MEI4: variants seen among roughly 807,000 people sequenced by gnomAD.
The protein encoded by MEI4 is meiotic double-stranded break formation protein 4.
MEI4 carries 27 observed loss-of-function variants against 31.4 expected under a neutral mutation model. That is an observed-to-expected ratio of 0.86 (90% CI 0.63 to 1.19). The LOEUF is 1.19. Among genes scored for constraint, MEI4 ranks in the 50% most tolerant of loss-of-function variants. The pLI is 0.00. For synonymous variants in MEI4, 122 were observed against 145.4 expected (o/e 0.84, Z 1.16); for missense variants, 329 against 398.9 (o/e 0.82, Z 1.49).
chr6:77,734,992 G>A (rs1767142049), intron 2 of MEI4, among the ~76,000 whole-genome samples: 1 of 151,994 alleles, frequency 6.6e-6, no homozygotes, highest in Non-Finnish European at 1.5e-5. Flanking sequence ...TAGGGTTTCT[G>A]CCGAGAGATC....
chr6:77,840,119 C>T (rs974234169), intron 4 of MEI4, among the ~76,000 whole-genome samples: 1 of 152,066 alleles, frequency 6.6e-6, no homozygotes, highest in East Asian at 1.9e-4. Flanking sequence ...TGTGTTTGTA[C>T]CTGTGTACAT....
chr6:77,746,423 C>A (rs2127675474), intron 2 of MEI4, among the ~76,000 whole-genome samples: 1 of 152,186 alleles, frequency 6.6e-6, no homozygotes, highest in African/African-American at 2.4e-5. Flanking sequence ...TAAGGGGGGA[C>A]TCCTCTTGCT....
At chr6:77,661,218 G>A (rs147780233) in intron 1 of MEI4, among the ~76,000 whole-genome samples, 2 of 152,228 alleles carry the variant, frequency 1.3e-5, no homozygotes, top group East Asian at 1.9e-4. Context: ...CCATTAGTCC[G>A]TTCTACCTTT....
chr6:77,863,977 A>C (rs984163089), intron 4 of MEI4, among the ~76,000 whole-genome samples: 1 of 152,172 alleles, frequency 6.6e-6, no homozygotes, highest in Non-Finnish European at 1.5e-5. Flanking sequence ...ATCCAGCCAA[A>C]CTAAGCTTCA....
chr6:77,814,392 A>AT (rs138031823), intron 3 of MEI4, among the ~76,000 whole-genome samples: 20,919 of 152,030 alleles, frequency 0.14, 1,532 homozygotes, highest in Middle Eastern at 0.21. Context: ...ATTGTTAACC[A>AT]TTTTTTGCAG....
At chr6:77,842,574 G>A (rs1168336583) in intron 4 of MEI4, among the ~76,000 whole-genome samples, 1 of 152,054 alleles carries the variant, frequency 6.6e-6, no homozygotes, top group African/African-American at 2.4e-5. Flanking sequence ...GAAAACAGTA[G>A]AAACTGCAGG....
Position 77,761,665 on chromosome 6 carries a change from G to C in MEI4, c.768G>C (p.Gln256His). 1 of 1,229,542 alleles carries C rather than the reference G, an allele frequency of 8.1e-7. No individual in the cohort carries two copies. The highest frequency in any genetic ancestry group is 1.0e-6 in the Non-Finnish European group (1 of 985,830). 76.2% of individuals were successfully genotyped at this position (1,229,542 alleles called of 1,614,324 possible). The change falls in exon 3 of 5, where the codon CAG (glutamine) becomes CAC (histidine). Residue 256 changes from glutamine (Q) to histidine (H), a missense_variant and splice_region_variant. Transcript: ENST00000684080. ...TTTTAGGAAACAATCATATAAATCA[G>C]GTGAGTAATAAATCCCTCTTTTATT... The part of the protein sequence containing the change: ...HAILGNNHIN[Q>H]FQVQHYVSQS...
In MEI4 at chr6:77,915,136, CCTTTT is replaced by C. The variant is rs1225613069; in HGVS notation, c.901-7952_901-7948del. Among the ~76,000 whole-genome samples the C allele has an allele frequency of 4.6e-5, 7 of 152,114 alleles. No individual in the cohort carries two copies. In the East Asian group the frequency reaches 9.7e-4, roughly 21 times the overall value. On this transcript the variant is annotated intron_variant, in intron 4 of 4. Transcript: ENST00000684080. ...CTGTTTGTGTGTCTTTCCTTCCTTTCCTTTTATCTATTTGCTTTCTATTGTGATTT... is the reference window on the plus strand; with the variant it reads ...CTGTTTGTGTGTCTTTCCTTCCTTTCATCTATTTGCTTTCTATTGTGATTT...
At chr6:77,832,837 C>T (rs1240006398) in intron 4 of MEI4, among the ~76,000 whole-genome samples, 1 of 152,058 alleles carries the variant, frequency 6.6e-6, no homozygotes, top group African/African-American at 2.4e-5. Flanking sequence ...TCTCATGCAA[C>T]TGGTATGTGT....
At chr6:77,670,923 G>A (rs890576787) in intron 1 of MEI4, among the ~76,000 whole-genome samples, 6 of 151,852 alleles carry the variant, frequency 4.0e-5, no homozygotes, top group African/African-American at 1.2e-4. Context: ...GGATGTAGCC[G>A]GTGATTTATA....
intron 4 of MEI4, among the ~76,000 whole-genome samples, chr6:77,893,260 CATTTT>C (rs1296763067): frequency 1.3e-5 from 2 of 152,122 alleles, no homozygotes; most frequent in African/African-American, 4.8e-5. Context: ...CTACAAGAAC[CATTTT>C]TTTTAACGTG....
At chr6:77,697,715 G>A (rs1414261468) in intron 2 of MEI4, among the ~76,000 whole-genome samples, 1 of 152,096 alleles carries the variant, frequency 6.6e-6, no homozygotes, top group Admixed American at 6.5e-5. Flanking sequence ...AACAGGTGTG[G>A]TGTGGTGCTG....
rs144387064 is a variant in MEI4 at position 77,886,108 on chromosome 6, C to T, written c.901-36981C>T. Reference sequence around the variant, plus strand: ...CATTTATGTTCATCAGGGATATTGGCCTGTAGTTTTCTTTTTTTAATTGTT... The same window carrying T: ...CATTTATGTTCATCAGGGATATTGGTCTGTAGTTTTCTTTTTTTAATTGTT... On this transcript the variant is annotated intron_variant, in intron 4 of 4. Coordinates refer to ENST00000684080, the MANE Select transcript of MEI4 (RefSeq NM_001322247.2). Among the ~76,000 whole-genome samples, 209 of 151,920 alleles carry T rather than the reference C, an allele frequency of 1.4e-3. 1 individual carries two copies. The highest frequency in any genetic ancestry group is 4.4e-3 in the African/African-American group (183 of 41,442).
At chr6:77,746,684 T>A (rs1767617863) in intron 2 of MEI4, among the ~76,000 whole-genome samples, 1 of 151,742 alleles carries the variant, frequency 6.6e-6, no homozygotes, top group Non-Finnish European at 1.5e-5. Flanking sequence ...TATGAATATG[T>A]ACATATATTT....
intron 3 of MEI4, among the ~76,000 whole-genome samples, chr6:77,801,001 C>T (rs1769239637): frequency 6.6e-6 from 1 of 152,042 alleles, no homozygotes; most frequent in Non-Finnish European, 1.5e-5. Flanking sequence ...ATGATGCTGG[C>T]CTCATAAAAT....
At position 77,730,384 on chromosome 6, in the gene MEI4, C is replaced by T. The variant is rs1014069360; in HGVS notation, c.233-30746C>T. 5.3e-5 allele frequency among the ~76,000 whole-genome samples: 8 copies of T among 151,926 alleles called. No homozygotes were observed. The East Asian group carries it at 7.7e-4, about 15-fold the overall frequency. ...ATATTGACATCACAATATAAGTGTT[C>T]GCCTTCTCTCATCCTGACACTTCCT... On this transcript the variant is annotated intron_variant, in intron 2 of 4. Coordinates refer to ENST00000684080, the MANE Select transcript of MEI4 (RefSeq NM_001322247.2).
intron 2 of MEI4, among the ~76,000 whole-genome samples, chr6:77,699,383 G>C (rs575462922): frequency 0.021 from 3,122 of 151,344 alleles, 102 homozygotes; most frequent in African/African-American, 0.068. Context: ...TAGTAGAGAT[G>C]GGGTTTCACC....
At chr6:77,805,024 T>G (rs562298634) in intron 3 of MEI4, among the ~76,000 whole-genome samples, 1 of 152,334 alleles carries the variant, frequency 6.6e-6, no homozygotes, top group Admixed American at 6.5e-5. Flanking sequence ...TGAAATTATA[T>G]TGAGAAGTGT....
At chr6:77,809,242 G>A (rs1461292455) in intron 3 of MEI4, among the ~76,000 whole-genome samples, 1 of 152,166 alleles carries the variant, frequency 6.6e-6, no homozygotes. Context: ...TAAATGTAGT[G>A]AAATAAATGA....
Sources: allele counts gnomAD v4.1 joint callset (sites outside exome capture counted in the v4.1 genomes callset), GRCh38; gene constraint gnomAD v4.1.1; transcripts MANE v1.5; gene names NCBI Gene and HGNC (gene_info 2026-07-23, HGNC 2026-07-21).